PKHD1L1: variants seen among roughly 807,000 people sequenced by gnomAD.
PKHD1L1 encodes PKHD1 like 1.
PKHD1L1 carries 434 observed loss-of-function variants against 462.9 expected under a neutral mutation model. The ratio of observed to expected loss-of-function variants is 0.94; its 90% CI spans 0.87 to 1.02. The LOEUF (loss-of-function observed/expected upper bound fraction) is 1.02. PKHD1L1 is among the 50% of genes least tolerant of loss of function. The pLI, the probability that PKHD1L1 is intolerant of heterozygous loss-of-function variation, is 0.00. For synonymous variants in PKHD1L1, 1,781 were observed against 1,750.0 expected, an observed-to-expected ratio of 1.02 and a Z score of -0.44; for missense variants, 5,202 against 5,096.1, an observed-to-expected ratio of 1.02 and a Z score of -0.63.
intron 9 of PKHD1L1, 91 bp downstream of exon 9, chr8:109,390,585 G>A (rs927274393): frequency 1.7e-5 from 12 of 695,680 alleles, no homozygotes; most frequent in Middle Eastern, 4.3e-4. Flanking sequence ...TAGATGCAGA[G>A]GTTTAAAAAT....
At chr8:109,367,130 CT>C (rs1414095935) in intron 2 of PKHD1L1, among the ~76,000 whole-genome samples, 3 of 152,180 alleles carry the variant, frequency 2.0e-5, no homozygotes, top group African/African-American at 7.2e-5. Context: ...TTAATGTAGG[CT>C]TTTGGGTGCC....
intron 25 of PKHD1L1, among the ~76,000 whole-genome samples, 160 bp from the exon 26 acceptor site, chr8:109,429,180 G>A (rs767381633): frequency 1.3e-4 from 20 of 151,762 alleles, no homozygotes; most frequent in Non-Finnish European, 2.4e-4. Context: ...TTTTTGAAGA[G>A]GCTCCTTTTA....
chr8:109,528,761 T>C (rs1211164617), intron 77 of PKHD1L1, among the ~76,000 whole-genome samples: 1 of 152,220 alleles, frequency 6.6e-6, no homozygotes, highest in Non-Finnish European at 1.5e-5. Flanking sequence ...CATCACCAAA[T>C]TGTGAGCACT....
intron 50 of PKHD1L1, among the ~76,000 whole-genome samples, chr8:109,473,526 AAAAAG>A (rs1449823430): frequency 2.0e-5 from 3 of 151,186 alleles, no homozygotes; most frequent in Non-Finnish European, 4.4e-5. Flanking sequence ...AAGAAAAAAA[AAAAAG>A]AAAAGAAAAA....
chr8:109,420,473 C>T (rs779329346), intron 22 of PKHD1L1, 45 bp from the exon 23 acceptor site: 3 of 1,293,160 alleles, frequency 2.3e-6, no homozygotes, highest in East Asian at 2.9e-5. Context: ...GCAAAAACCA[C>T]AGTTACTTTT....
intron 70 of PKHD1L1, among the ~76,000 whole-genome samples, chr8:109,509,696 TTA>T (rs1819873136): frequency 6.6e-6 from 1 of 151,936 alleles, no homozygotes; most frequent in South Asian, 2.1e-4. Flanking sequence ...GGATATTTCT[TTA>T]TGTTTGTTTT....
At position 109,497,086 on chromosome 8, in the gene PKHD1L1, G is replaced by A. The variant is rs780513466; in HGVS notation, c.10476+19G>A. ...TTTTCAGGTAATTATGATTAAAGATGGTGATTGTTTATTTTCTTTTATGAT... is the reference window on the plus strand; with the variant it reads ...TTTTCAGGTAATTATGATTAAAGATAGTGATTGTTTATTTTCTTTTATGAT... On this transcript the variant is annotated intron_variant, in intron 64 of 77. Coordinates refer to ENST00000378402, the MANE Select transcript of PKHD1L1 (RefSeq NM_177531.6). The A allele has an allele frequency of 1.2e-6, 2 of 1,612,288 alleles. No homozygotes were observed. The highest frequency in any genetic ancestry group is 1.7e-6 in the Non-Finnish European group (2 of 1,178,890).
At chr8:109,461,623 A>G in intron 47 of PKHD1L1, 149 bp from the exon 48 acceptor site, 1 of 827,432 alleles carries the variant, frequency 1.2e-6, no homozygotes. Flanking sequence ...GCTATCTAAA[A>G]GAGGAAATGA....
rs143274498 is a variant in PKHD1L1 at position 109,488,770 on chromosome 8, G to T, written c.9881-1182G>T. ...GGTGCTGCTGCTGCTGATAATGATG[G>T]TGATGGTAATGACGAACATGACACA... On this transcript the variant is annotated intron_variant, in intron 59 of 77. Coordinates refer to ENST00000378402, the MANE Select transcript of PKHD1L1 (RefSeq NM_177531.6). Among the ~76,000 whole-genome samples the T allele has an allele frequency of 2.8e-4, 43 of 152,098 alleles. No individual in the cohort carries two copies. In the East Asian group the frequency reaches 6.8e-3, roughly 24 times the overall value.
chr8:109,378,777 T>C (rs574973227), intron 2 of PKHD1L1, among the ~76,000 whole-genome samples: 17 of 152,204 alleles, frequency 1.1e-4, no homozygotes, highest in Non-Finnish European at 1.6e-4. Flanking sequence ...TTCTGGGCAG[T>C]CGAAGAGGAC....
chr8:109,528,972 C>T (rs72669122), intron 77 of PKHD1L1, among the ~76,000 whole-genome samples: 26,278 of 151,638 alleles, frequency 0.17, 2,485 homozygotes, highest in South Asian at 0.37. Flanking sequence ...GTTTCTGACA[C>T]GTTAGTGAAA....
Position 109,518,320 on chromosome 8 carries a change from C to G in PKHD1L1, c.11843C>G (p.Thr3948Arg), listed in dbSNP as rs547399708. ...IFVSFQLSVA[T>R]EDDFYTSHNL... ...GTTTCTTTCCAATTATCTGTTGCAA[C>G]AGAAGATGACTTTTATACCTCTCAC... Residue 3948 changes from threonine to arginine, a missense_variant, in exon 73 of 78, where the codon ACA (threonine) becomes AGA (arginine). Around this residue, in one of 3 missense-constraint regions of PKHD1L1, gnomAD observed 698 missense variants for 736.3 expected, o/e 0.95. Transcript: ENST00000378402. 1 of 1,613,306 alleles carries G rather than the reference C, an allele frequency of 6.2e-7. No homozygotes were observed. Among genetic ancestry groups the G allele is most frequent in the Admixed American group, 1.7e-5 (1 of 59,934 alleles).
chr8:109,479,529 A>C, intron 53 of PKHD1L1, 22 bp from the exon 54 acceptor site: 1 of 1,376,186 alleles, frequency 7.3e-7, no homozygotes. Flanking sequence ...AATTCATGGA[A>C]GTATTTCTCT....
chr8:109,367,801 G>T (rs1811305997), intron 2 of PKHD1L1, among the ~76,000 whole-genome samples: 1 of 152,214 alleles, frequency 6.6e-6, no homozygotes, highest in Non-Finnish European at 1.5e-5. Flanking sequence ...TACTTGGGAG[G>T]CTAAGGTGAG....
At chr8:109,447,099 T>G (rs1020458847) in intron 38 of PKHD1L1, among the ~76,000 whole-genome samples, 1 of 152,152 alleles carries the variant, frequency 6.6e-6, no homozygotes, top group Admixed American at 6.5e-5. Context: ...GGCATGCACC[T>G]GTAGTCCCAG....
In PKHD1L1 at chr8:109,445,467, G is replaced by T; in HGVS notation, c.5598G>T (p.Gly1866=). 1.9e-6 allele frequency: 3 copies of T among 1,613,808 alleles called. No homozygotes were observed. Among genetic ancestry groups the T allele is most frequent in the Non-Finnish European group, 2.5e-6 (3 of 1,179,850 alleles). Reference sequence around the variant, plus strand: ...CAGGCAACACTACAGTCACTATTGGGGATGAACCTTGTCAAATTATTTCCA... The same window carrying T: ...CAGGCAACACTACAGTCACTATTGGTGATGAACCTTGTCAAATTATTTCCA... ...FYPGNTTVTI[G]DEPCQIISIN... is the part of the protein sequence containing the mutation. The change falls in exon 38 of 78, where the codon GGG becomes GGT. Residue 1866 remains glycine, a synonymous_variant. Coordinates refer to ENST00000378402, the MANE Select transcript of PKHD1L1 (RefSeq NM_177531.6).
intron 35 of PKHD1L1, 95 bp from the exon 36 acceptor site, chr8:109,442,851 G>T (rs574078082): frequency 8.6e-7 from 1 of 1,162,856 alleles, no homozygotes; most frequent in Non-Finnish European, 1.2e-6. Context: ...TCATCTGTAT[G>T]TGCATTTAAA....
At position 109,496,908 on chromosome 8, in the gene PKHD1L1, T is replaced by C; in HGVS notation, c.10328-11T>C. The stretch of plus-strand genomic sequence containing the variant: ...TAGTGTTCATTCTCTGGTTCTATAT[T>C]TCCCTCCAAGGCCAGTTTAATCCTG... On this transcript the variant is annotated splice_polypyrimidine_tract_variant and intron_variant, in intron 63 of 77. Transcript: ENST00000378402. 1 of 1,604,012 alleles carries C rather than the reference T, an allele frequency of 6.2e-7. No homozygotes were observed. Among genetic ancestry groups the C allele is most frequent in the Non-Finnish European group, 8.5e-7 (1 of 1,174,364 alleles).
chr8:109,509,704 G>A (rs1345374846), intron 70 of PKHD1L1, among the ~76,000 whole-genome samples: 1 of 151,426 alleles, frequency 6.6e-6, no homozygotes, highest in East Asian at 1.9e-4. Flanking sequence ...CTTTATGTTT[G>A]TTTTCAAAAC....
Sources: allele counts gnomAD v4.1 joint callset (sites outside exome capture counted in the v4.1 genomes callset), GRCh38; gene constraint gnomAD v4.1.1; regional missense constraint gnomAD v4.1.1; transcripts MANE v1.5; gene names NCBI Gene and HGNC (gene_info 2026-07-23, HGNC 2026-07-21).